Variants in NLGN1 observed in about 807,000 individuals in gnomAD.
NLGN1 encodes the protein neuroligin-1.
A neutral mutation model predicts 65.5 loss-of-function variants in NLGN1; 12 were observed. The ratio of observed to expected loss-of-function variants is 0.18; its 90% CI spans 0.12 to 0.30. The LOEUF is 0.30. Ranked by LOEUF, NLGN1 falls within the 10% of genes least tolerant of loss-of-function variation. The probability of loss-of-function intolerance (pLI) is 1.00; values close to 1 mark genes in which losing one functional copy is unlikely to be tolerated. For synonymous variants in NLGN1, 350 were observed against 359.5 expected, an observed-to-expected ratio of 0.97 and a Z score of 0.30; for missense variants, 750 against 1,007.1, an observed-to-expected ratio of 0.74 and a Z score of 3.46.
chr3:173,482,083 T>C (rs1365248233), intron 2 of NLGN1, among the ~76,000 whole-genome samples: 1 of 152,000 alleles, frequency 6.6e-6, no homozygotes, highest in African/African-American at 2.4e-5. Context: ...ACATTGATCA[T>C]TCAGTTTTGT....
intron 4 of NLGN1, among the ~76,000 whole-genome samples, chr3:174,210,292 G>A (rs974549601): frequency 6.6e-6 from 1 of 152,090 alleles, no homozygotes; most frequent in Admixed American, 6.5e-5. Flanking sequence ...GTGTATTTGT[G>A]TCTCCCCATT....
At chr3:173,675,388 C>T (rs1009636441) in intron 3 of NLGN1, among the ~76,000 whole-genome samples, 1 of 151,994 alleles carries the variant, frequency 6.6e-6, no homozygotes, top group Admixed American at 6.6e-5. Context: ...CTTCAAAATT[C>T]ATCATTTTAA....
chr3:174,062,669 A>T (rs1470966608), intron 4 of NLGN1, among the ~76,000 whole-genome samples: 1 of 152,064 alleles, frequency 6.6e-6, no homozygotes, highest in African/African-American at 2.4e-5. Context: ...TATTCAGAAG[A>T]TGAAACTATT....
chr3:173,512,526 T>G (rs1328171531), intron 2 of NLGN1, among the ~76,000 whole-genome samples: 1 of 152,140 alleles, frequency 6.6e-6, no homozygotes, highest in African/African-American at 2.4e-5. Context: ...TTCTAACCTC[T>G]GCCGGCTGAG....
intron 4 of NLGN1, among the ~76,000 whole-genome samples, chr3:174,140,698 T>C (rs1722122794): frequency 6.6e-6 from 1 of 152,192 alleles, no homozygotes. Flanking sequence ...TGAATTGCTC[T>C]TGGTTGACAA....
intron 4 of NLGN1, among the ~76,000 whole-genome samples, chr3:174,057,025 C>T (rs1182535848): frequency 6.6e-6 from 1 of 151,506 alleles, no homozygotes; most frequent in African/African-American, 2.4e-5. Context: ...TGTTATCCTT[C>T]TGTAATTTCA....
chr3:174,041,568 G>C (rs1288812806), intron 4 of NLGN1, among the ~76,000 whole-genome samples: 8 of 152,114 alleles, frequency 5.3e-5, no homozygotes. Context: ...TACAAAATTA[G>C]ATGTGAGTTG....
chr3:174,195,282 T>C (rs1005542692), intron 4 of NLGN1, among the ~76,000 whole-genome samples: 8 of 152,208 alleles, frequency 5.3e-5, no homozygotes, highest in Non-Finnish European at 1.5e-5. Flanking sequence ...AAATAGAATA[T>C]ACAAGCAAGT....
At chr3:173,654,632 A>C (rs1759703689) in intron 3 of NLGN1, among the ~76,000 whole-genome samples, 1 of 152,140 alleles carries the variant, frequency 6.6e-6, no homozygotes, top group African/African-American at 2.4e-5. Context: ...TATATGTTTA[A>C]TGTAGTGACT....
chr3:173,912,470 T>C (rs562889151), intron 4 of NLGN1: 1 of 152,218 alleles, frequency 6.6e-6, no homozygotes, highest in African/African-American at 2.4e-5. Flanking sequence ...GACTTCAGAG[T>C]ATCCACCCTG....
intron 4 of NLGN1, among the ~76,000 whole-genome samples, chr3:173,819,596 T>C (rs1412038196): frequency 1.3e-5 from 2 of 152,196 alleles, no homozygotes; most frequent in Non-Finnish European, 2.9e-5. Flanking sequence ...ATTATCTTTC[T>C]CCCTTCAATT....
chr3:173,511,118 G>T (rs1523341), intron 2 of NLGN1, among the ~76,000 whole-genome samples: 64,652 of 151,576 alleles, frequency 0.43, 15,270 homozygotes, highest in East Asian at 0.85. Context: ...ATATGAAGGC[G>T]TCTCATTTAG....
chr3:173,799,326 A>G (rs1489848565), intron 3 of NLGN1, among the ~76,000 whole-genome samples: 1 of 152,056 alleles, frequency 6.6e-6, no homozygotes, highest in Non-Finnish European at 1.5e-5. Flanking sequence ...GAGTATGTCA[A>G]TTATGTGACA....
At chr3:174,249,555 A>G (rs1744412932) in intron 4 of NLGN1, among the ~76,000 whole-genome samples, 1 of 152,190 alleles carries the variant, frequency 6.6e-6, no homozygotes, top group Non-Finnish European at 1.5e-5. Flanking sequence ...AGGAGCTCTG[A>G]CAGAACACTT....
At chr3:173,659,179 C>T (rs971531566) in intron 3 of NLGN1, among the ~76,000 whole-genome samples, 1 of 151,766 alleles carries the variant, frequency 6.6e-6, no homozygotes, top group African/African-American at 2.4e-5. Flanking sequence ...AATAAAATAT[C>T]CAGTGAAAAT....
intron 3 of NLGN1, among the ~76,000 whole-genome samples, chr3:173,715,123 G>A (rs1325219346): frequency 6.6e-6 from 1 of 152,112 alleles, no homozygotes; most frequent in East Asian, 1.9e-4. Context: ...GGACTCTATT[G>A]TATTTTGGTG....
In NLGN1 at chr3:173,539,741, T is replaced by TACATATGCACATATATACATATAG. The variant is rs1560407073; in HGVS notation, c.-320-64538_-320-64537insACATATGCACATATATACATATAG. Among the ~76,000 whole-genome samples, 24 of 129,986 alleles carry TACATATGCACATATATACATATAG rather than the reference T, an allele frequency of 1.8e-4. 1 individual carries two copies. The highest frequency in any genetic ancestry group is 4.4e-4 in the East Asian group (2 of 4,568). 85.3% of individuals were successfully genotyped at this position (129,986 alleles called of 152,430 possible). A position where few individuals can be genotyped will look rare whatever the true frequency, so the allele number is the denominator to read the frequency against. ...GTACATATGCACATATATACATATA[T>TACATATGCACATATATACATATAG]GTACATATATAACATATACATGTAC... On this transcript the variant is annotated intron_variant, in intron 2 of 6. Coordinates refer to ENST00000457714, the Ensembl canonical transcript of NLGN1.
At chr3:174,274,021 A>G (rs1419055979) in intron 4 of NLGN1, among the ~76,000 whole-genome samples, 2 of 151,746 alleles carry the variant, frequency 1.3e-5, no homozygotes, top group African/African-American at 4.8e-5. Flanking sequence ...TGAATAAAAT[A>G]GTTGTTATCA....
chr3:173,593,231 A>G (rs988296828), intron 2 of NLGN1, among the ~76,000 whole-genome samples: 3 of 152,130 alleles, frequency 2.0e-5, no homozygotes, highest in Non-Finnish European at 4.4e-5. Context: ...TTTTAAAACA[A>G]TTATTTTTGA....
Sources: allele counts gnomAD v4.1 joint callset (sites outside exome capture counted in the v4.1 genomes callset), GRCh38; gene constraint gnomAD v4.1.1; transcripts MANE v1.5; gene names NCBI Gene and HGNC (gene_info 2026-07-23, HGNC 2026-07-21).